CHN2: variants seen among roughly 807,000 people sequenced by gnomAD.
CHN2 encodes the protein chimerin 2.
In CHN2, 35 loss-of-function variants were observed where a neutral mutation model predicts 56.3. The ratio of observed to expected loss-of-function variants is 0.62; its 90% CI spans 0.47 to 0.82. The LOEUF (loss-of-function observed/expected upper bound fraction) is 0.82, where lower values mean the gene tolerates loss of function less well. Among genes scored for constraint, CHN2 ranks in the 40% least tolerant of loss-of-function variants. The pLI is 0.00. For missense variants in CHN2, 491 were observed against 580.5 expected, an observed-to-expected ratio of 0.85 and a Z score of 1.58; for synonymous variants, 210 against 212.8, an observed-to-expected ratio of 0.99 and a Z score of 0.12.
chr7:29,401,725 C>T (rs951557409), intron 6 of CHN2, among the ~76,000 whole-genome samples: 1 of 152,208 alleles, frequency 6.6e-6, no homozygotes, highest in Non-Finnish European at 1.5e-5. Flanking sequence ...GATTAAAAAA[C>T]TCCTAAGTGG....
intron 1 of CHN2, chr7:29,212,254 T>G: frequency 1.1e-6 from 1 of 892,450 alleles, no homozygotes; most frequent in East Asian, 2.4e-5. Context: ...TTAACCTTTT[T>G]TCCAGTCCAC....
intron 8 of CHN2, among the ~76,000 whole-genome samples, chr7:29,496,540 CTTG>C: frequency 6.6e-6 from 1 of 151,734 alleles, no homozygotes; most frequent in Non-Finnish European, 1.5e-5. Context: ...GACACAGAGG[CTTG>C]TTATTTGCCC....
At chr7:29,397,309 T>C (rs1231138509) in intron 4 of CHN2, 2 of 152,242 alleles carry the variant, frequency 1.3e-5, no homozygotes, top group Admixed American at 6.5e-5. Context: ...AACTTAATCT[T>C]TGCATTCCTG....
intron 1 of CHN2, among the ~76,000 whole-genome samples, chr7:29,248,469 C>G (rs1224680610): frequency 6.6e-6 from 1 of 152,196 alleles, no homozygotes; most frequent in East Asian, 1.9e-4. Flanking sequence ...TGCGTCTCAC[C>G]CGGATGGCCA....
At chr7:29,188,006 A>C (rs1473048961) in intron 2 of CHN2, among the ~76,000 whole-genome samples, 1 of 152,216 alleles carries the variant, frequency 6.6e-6, no homozygotes, top group Admixed American at 6.5e-5. Context: ...TTATCTTCAA[A>C]GCCCAGGCCT....
chr7:29,287,724 T>C (rs1262038646), intron 1 of CHN2, among the ~76,000 whole-genome samples: 2 of 152,112 alleles, frequency 1.3e-5, no homozygotes, highest in African/African-American at 4.8e-5. Context: ...ACCCAAAGAG[T>C]CCTAACTAGT....
chr7:29,471,505 AC>A (rs1211805128), intron 6 of CHN2, among the ~76,000 whole-genome samples: 1 of 152,198 alleles, frequency 6.6e-6, no homozygotes, highest in Non-Finnish European at 1.5e-5. Context: ...TTGCTGCTAA[AC>A]AAGGTACTTT....
intron 1 of CHN2, chr7:29,199,457 G>A (rs968667828): frequency 7.9e-5 from 12 of 152,114 alleles, no homozygotes; most frequent in Admixed American, 1.3e-4. Flanking sequence ...ATAACTGCTC[G>A]ATAATTAAAT....
At chr7:29,463,681 A>C (rs1192744713) in intron 6 of CHN2, among the ~76,000 whole-genome samples, 2 of 152,186 alleles carry the variant, frequency 1.3e-5, no homozygotes, top group Non-Finnish European at 2.9e-5. Context: ...TTGGGACTTT[A>C]GACTCTCTGG....
At chr7:29,410,422 GTATT>G (rs1401710441) in intron 6 of CHN2, among the ~76,000 whole-genome samples, 1 of 151,988 alleles carries the variant, frequency 6.6e-6, no homozygotes, top group Non-Finnish European at 1.5e-5. Context: ...ATTTGGATAA[GTATT>G]TAGGGTTCTC....
At chr7:29,448,833 C>T (rs542901288) in intron 6 of CHN2, among the ~76,000 whole-genome samples, 3 of 152,308 alleles carry the variant, frequency 2.0e-5, no homozygotes, top group Non-Finnish European at 4.4e-5. Flanking sequence ...GCAGTTATTG[C>T]TCTGTATTAT....
intron 6 of CHN2, among the ~76,000 whole-genome samples, chr7:29,417,520 A>G (rs920649164): frequency 7.0e-4 from 107 of 152,208 alleles, no homozygotes; most frequent in African/African-American, 2.5e-3. Context: ...TATTTTTAGT[A>G]GAGACGGGAT....
chr7:29,512,484 G>C, intron 12 of CHN2, 80 bp from the exon 13 acceptor site: 2 of 1,213,976 alleles, frequency 1.6e-6, no homozygotes, highest in Non-Finnish European at 2.3e-6. Flanking sequence ...AGATGTTATC[G>C]GGACTTACAT....
intron 6 of CHN2, among the ~76,000 whole-genome samples, chr7:29,443,614 A>G (rs1783829972): frequency 6.6e-6 from 1 of 152,214 alleles, no homozygotes; most frequent in African/African-American, 2.4e-5. Context: ...TTACATGGCA[A>G]TAAAGATTTA....
chr7:29,491,401 T>G (rs1020789358), intron 7 of CHN2, among the ~76,000 whole-genome samples: 4 of 147,320 alleles, frequency 2.7e-5, no homozygotes, highest in Non-Finnish European at 4.4e-5. Context: ...TCTTTTTCCC[T>G]TATGTATTTG....
chr7:29,321,034 C>T (rs1050908820), intron 1 of CHN2, among the ~76,000 whole-genome samples: 4 of 152,146 alleles, frequency 2.6e-5, no homozygotes, highest in Admixed American at 2.0e-4. Flanking sequence ...AGAATGAGAT[C>T]GCTTTAAAAC....
intron 1 of CHN2, among the ~76,000 whole-genome samples, chr7:29,266,576 G>A (rs1790162460): frequency 6.6e-6 from 1 of 152,172 alleles, no homozygotes; most frequent in Non-Finnish European, 1.5e-5. Context: ...AGTGTTAAAT[G>A]CATTATTTAA....
intron 1 of CHN2, among the ~76,000 whole-genome samples, chr7:29,251,838 T>C (rs1788543441): frequency 6.6e-6 from 1 of 152,198 alleles, no homozygotes; most frequent in African/African-American, 2.4e-5. Flanking sequence ...CCTAATTATA[T>C]GTAATTGAAG....
intron 2 of CHN2, among the ~76,000 whole-genome samples, chr7:29,187,576 T>C (rs940617167): frequency 1.3e-5 from 2 of 151,826 alleles, no homozygotes; most frequent in African/African-American, 4.8e-5. Flanking sequence ...ATACAAAAAT[T>C]AGCTGGGTGT....
Sources: allele counts gnomAD v4.1 joint callset (sites outside exome capture counted in the v4.1 genomes callset), GRCh38; gene constraint gnomAD v4.1.1; transcripts MANE v1.5; gene names NCBI Gene and HGNC (gene_info 2026-07-23, HGNC 2026-07-21).